Variants in GSTA5 observed in about 807,000 individuals in gnomAD.
GSTA5 encodes the protein glutathione S-transferase A5.
GSTA5 carries 25 observed loss-of-function variants against 21.8 expected under a neutral mutation model. That is an observed-to-expected ratio of 1.14 (90% CI 0.83 to 1.60). The LOEUF (loss-of-function observed/expected upper bound fraction) is 1.60. GSTA5 is among the 40% of genes most tolerant of loss of function. The pLI is 0.00. For missense variants in GSTA5, 330 were observed against 259.2 expected (o/e 1.27, Z -1.88); for synonymous variants, 102 against 89.5 (o/e 1.14, Z -0.78).
At chr6:52,833,951 G>A (rs369682535) in intron 4 of GSTA5, among the ~76,000 whole-genome samples, 190 bp downstream of exon 4, 2 of 152,198 alleles carry the variant, frequency 1.3e-5, no homozygotes, top group Admixed American at 6.5e-5. Flanking sequence ...GAAAATCATA[G>A]CTTGGGTATA....
At chr6:52,833,947 C>T (rs375372789) in intron 4 of GSTA5, among the ~76,000 whole-genome samples, 194 bp downstream of exon 4, 1 of 152,154 alleles carries the variant, frequency 6.6e-6, no homozygotes, top group Admixed American at 6.5e-5. Flanking sequence ...ACTGGAAAAT[C>T]ATAGCTTGGG....
chr6:52,844,547 A>C (rs1764428064), upstream of GSTA5, among the ~76,000 whole-genome samples: 1 of 152,232 alleles, frequency 6.6e-6, no homozygotes, highest in Non-Finnish European at 1.5e-5. Context: ...AATTAAAAGA[A>C]TTACATCTCT....
chr6:52,840,950 C>T, upstream of GSTA5: 1 of 753,048 alleles, frequency 1.3e-6, no homozygotes, highest in Non-Finnish European at 2.1e-6. Context: ...TTCTTCATGA[C>T]TGGGTTGAAG....
intron 3 of GSTA5, among the ~76,000 whole-genome samples, chr6:52,835,891 C>T (rs1302020795): frequency 6.6e-6 from 1 of 152,170 alleles, no homozygotes; most frequent in Non-Finnish European, 1.5e-5. Context: ...ACATTCTATG[C>T]CTTGCCCTAC....
chr6:52,831,960 G>A lies in GSTA5; in HGVS notation c.557C>T (p.Thr186Ile), dbSNP rs1477825276. The A allele has an allele frequency of 1.9e-6, 3 of 1,612,760 alleles. No individual in the cohort carries two copies. The African/African-American group carries it at 4.0e-5, about 22-fold the overall frequency. Residue 186 changes from threonine (T) to isoleucine (I), a missense_variant, in exon 6 of 6, where the codon ACC (threonine) becomes ATC (isoleucine). Transcript: ENST00000370989. Reference sequence around the variant, plus strand: ...CACCGTGGGCAGGTTGCTGATTCTGGTTTTCAGGGCCTGTAATCCACAAAG... The same window carrying A: ...CACCGTGGGCAGGTTGCTGATTCTGATTTTCAGGGCCTGTAATCCACAAAG...
At chr6:52,842,214 T>C (rs1354565638), upstream of GSTA5, among the ~76,000 whole-genome samples, 1 of 152,032 alleles carries the variant, frequency 6.6e-6, no homozygotes, top group Non-Finnish European at 1.5e-5. Context: ...TGCAACTAAT[T>C]GTATCATGAA....
At chr6:52,841,277 G>A (rs573437777), upstream of GSTA5, among the ~76,000 whole-genome samples, 54 of 152,264 alleles carry the variant, frequency 3.5e-4, no homozygotes, top group African/African-American at 1.3e-3. Flanking sequence ...GAAATACAAT[G>A]TTCACAGTCA....
At chr6:52,832,923 A>T (rs778613611) in exon 5 of GSTA5, 61 of 1,613,994 alleles carry the variant, frequency 3.8e-5, no homozygotes, top group South Asian at 4.4e-5. Flanking sequence ...GAAAAGTTCC[A>T]CCAGGTGAAT....
upstream of GSTA5, among the ~76,000 whole-genome samples, chr6:52,841,342 C>T (rs1200482783): frequency 6.6e-6 from 1 of 152,172 alleles, no homozygotes; most frequent in Admixed American, 6.5e-5. Flanking sequence ...AATGAAGTCA[C>T]GCCTGGAAGA....
chr6:52,835,912 G>A (rs1466225206), intron 3 of GSTA5, among the ~76,000 whole-genome samples: 2 of 152,166 alleles, frequency 1.3e-5, no homozygotes, highest in Admixed American at 1.3e-4. Context: ...GCTGTTGGCT[G>A]GAGTCTAGCC....
At chr6:52,832,944 C>T (rs143520523) in exon 5 of GSTA5, 1 of 1,614,176 alleles carries the variant, frequency 6.2e-7, no homozygotes, top group Admixed American at 1.7e-5. Context: ...GTCAGCCCAG[C>T]TCAGCTTGTT....
chr6:52,832,782 G>C (rs1460749652), intron 5 of GSTA5, 77 bp downstream of exon 5: 57 of 1,602,450 alleles, frequency 3.6e-5, no homozygotes, highest in Non-Finnish European at 4.5e-5. Context: ...TCAAAACATG[G>C]TCAGTCCCGG....
At position 52,836,238 on chromosome 6, in the gene GSTA5, G is replaced by A. The variant is rs775377003; in HGVS notation, c.270C>T (p.Ala90=). The stretch of plus-strand genomic sequence containing the variant: ...GAAGAACAGAAAATATACCATACAG[G>A]GCTCTCTCCTTCATGTCTTTCCCAT... Residue 90 remains alanine (A), a splice_region_variant and synonymous_variant, in exon 3 of 6, where the codon GCC becomes GCT. Coordinates refer to ENST00000370989, the Ensembl canonical transcript of GSTA5. The A allele has an allele frequency of 3.7e-6, 6 of 1,612,896 alleles. 1 individual carries two copies. The highest frequency in any genetic ancestry group is 2.2e-5 in the South Asian group (2 of 91,010).
intron 2 of GSTA5, 27 bp downstream of exon 2, chr6:52,837,531 T>A (rs1264920931): frequency 4.0e-6 from 6 of 1,503,988 alleles, no homozygotes; most frequent in Non-Finnish European, 5.6e-6. Context: ...GAAACTCTCA[T>A]CAGAGTTACT....
rs1287290923 is a variant in GSTA5, at chr6:52,831,974, T to C, written c.547-4A>G. On this transcript the variant is annotated splice_polypyrimidine_tract_variant and splice_region_variant and intron_variant, in intron 5 of 5. Coordinates refer to ENST00000370989, the Ensembl canonical transcript of GSTA5. ...TGCTGATTCTGGTTTTCAGGGCCTGTAATCCACAAAGCACAGCCTCAGAGT... is the reference window on the plus strand; with the variant it reads ...TGCTGATTCTGGTTTTCAGGGCCTGCAATCCACAAAGCACAGCCTCAGAGT... 6.2e-7 allele frequency: 1 copy of C among 1,611,792 alleles called. No homozygotes were observed. Among genetic ancestry groups the C allele is most frequent in the South Asian group, 1.1e-5 (1 of 90,586 alleles).
exon 3 of GSTA5, chr6:52,836,282 C>T (rs755540133): frequency 6.2e-7 from 1 of 1,613,838 alleles, no homozygotes; most frequent in South Asian, 1.1e-5. Flanking sequence ...TATTTGCTGG[C>T]AATGTAGTTA....
At chr6:52,837,764 T>C (rs1764314210) in intron 1 of GSTA5, among the ~76,000 whole-genome samples, 155 bp from the exon 2 acceptor site, 1 of 152,204 alleles carries the variant, frequency 6.6e-6, no homozygotes. Flanking sequence ...ATTTGGAAGT[T>C]TAGACCTAAT....
chr6:52,840,843 C>T, exon 1 of GSTA5: 21 of 1,569,290 alleles, frequency 1.3e-5, no homozygotes, highest in Non-Finnish European at 1.8e-5. Flanking sequence ...TTTCTCTAAG[C>T]CTGAATGAAT....
intron 1 of GSTA5, among the ~76,000 whole-genome samples, chr6:52,839,104 AG>A (rs200939687): frequency 0.023 from 3,504 of 152,282 alleles, 70 homozygotes; most frequent in Non-Finnish European, 0.031. Context: ...TAAGGCATCC[AG>A]TTCAGGACAA....
Sources: allele counts gnomAD v4.1 joint callset (sites outside exome capture counted in the v4.1 genomes callset), GRCh38; gene constraint gnomAD v4.1.1; transcripts MANE v1.5; gene names NCBI Gene and HGNC (gene_info 2026-07-23, HGNC 2026-07-21).